GLIS3: variants seen among roughly 807,000 people sequenced by gnomAD.
GLIS3 encodes the protein zinc finger protein GLIS3.
GLIS3 carries 53 observed loss-of-function variants against 78.6 expected under a neutral mutation model. The observed-to-expected ratio is 0.67, with a 90% CI of 0.54 to 0.85. GLIS3 has a LOEUF of 0.85. GLIS3 is among the 40% of genes least tolerant of loss of function. GLIS3 has a pLI of 0.00. For missense variants in GLIS3, 1,703 were observed against 1,231.1 expected (o/e 1.38, Z -5.74); for synonymous variants, 684 against 509.9 (o/e 1.34, Z -4.60).
the GLIS3 span, among the ~76,000 whole-genome samples, chr9:4,412,791 G>C: frequency 3.9e-5 from 6 of 152,126 alleles, no homozygotes; most frequent in African/African-American, 1.2e-4. Flanking sequence ...GGTCAAAAAT[G>C]AATGTGCCAT....
chr9:3,950,228 T>G (rs914938903), intron 4 of GLIS3, among the ~76,000 whole-genome samples: 2 of 152,212 alleles, frequency 1.3e-5, no homozygotes, highest in Non-Finnish European at 2.9e-5. Flanking sequence ...CCTGGTCTAC[T>G]TCAGTGATCT....
intron 4 of GLIS3, among the ~76,000 whole-genome samples, chr9:3,967,024 A>C (rs1294886520): frequency 5.5e-5 from 8 of 145,618 alleles, no homozygotes; most frequent in South Asian, 2.2e-4. Context: ...AAAAAAAAAA[A>C]AAAAAAAAAC....
intron 2 of GLIS3, among the ~76,000 whole-genome samples, chr9:4,260,948 T>C (rs1001863082): frequency 6.6e-6 from 1 of 152,204 alleles, no homozygotes; most frequent in African/African-American, 2.4e-5. Flanking sequence ...CAAATTGAGA[T>C]GTGTATACTA....
intron 2 of GLIS3, among the ~76,000 whole-genome samples, chr9:4,258,399 G>C (rs1428515656): frequency 6.6e-6 from 1 of 152,224 alleles, no homozygotes; most frequent in Non-Finnish European, 1.5e-5. Flanking sequence ...TGGTGAGTAA[G>C]ACGGTATTGG....
rs571041538 is a variant in GLIS3, at chr9:4,208,797, A to C, written c.388+77241T>G. On this transcript the variant is annotated intron_variant, in intron 2 of 10. Coordinates refer to ENST00000381971, the MANE Select transcript of GLIS3 (RefSeq NM_001042413.2). ...CTCTAAATGCCTGGAGATGGAACTC[A>C]ATGGGTGGCTGGCTCTTGGTGACAC... 4.8e-4 allele frequency among the ~76,000 whole-genome samples: 73 copies of C among 152,322 alleles called. 1 individual carries two copies. Among genetic ancestry groups the C allele is most frequent in the South Asian group, 8.3e-4 (4 of 4,820 alleles).
chr9:4,118,412 C>G lies in GLIS3; in HGVS notation c.1066G>C (p.Gly356Arg). 1 of 1,608,094 alleles carries G rather than the reference C, an allele frequency of 6.2e-7. No individual in the cohort carries two copies. ...EVYGHFLGVR[G>R]SCIPQPRPVP... The stretch of plus-strand genomic sequence containing the variant: ...GGGCGCGGCTGGGGAATGCAGCTGC[C>G]GCGCACGCCCAGGAAATGCCCGTAG... Residue 356 changes from glycine to arginine, a missense_variant, in exon 4 of 11, where the codon GGC becomes CGC. Physicochemically the swap from Gly to Arg is moderately radical, Grantham distance 125. Transcript: ENST00000381971. This position sits in a 1 kb window ranked among gnomAD's most constrained non-coding sequence, Gnocchi z 4.7.
intron 2 of GLIS3, among the ~76,000 whole-genome samples, chr9:4,227,241 G>A (rs972326580): frequency 2.7e-5 from 4 of 149,620 alleles, no homozygotes; most frequent in Non-Finnish European, 2.9e-5. Context: ...ATTTTACCCC[G>A]TCCTAGAAAG....
chr9:4,132,857 C>T (rs1833079547), intron 2 of GLIS3, among the ~76,000 whole-genome samples: 1 of 152,156 alleles, frequency 6.6e-6, no homozygotes, highest in Non-Finnish European at 1.5e-5. Flanking sequence ...TGAGTCTTGC[C>T]TCCCGCCCTT....
intron 2 of GLIS3, among the ~76,000 whole-genome samples, chr9:4,236,691 A>G (rs961015157): frequency 6.6e-6 from 1 of 152,166 alleles, no homozygotes; most frequent in Non-Finnish European, 1.5e-5. Context: ...TTTACTCATA[A>G]ATATTATTGA....
intron 4 of GLIS3, among the ~76,000 whole-genome samples, chr9:4,053,009 A>G (rs755439731): frequency 1.3e-5 from 2 of 152,118 alleles, no homozygotes; most frequent in Non-Finnish European, 2.9e-5. Context: ...GTGCAGTAGC[A>G]TGATCTCAGT....
rs192852781 is a variant in GLIS3, at chr9:4,003,786, A to G, written c.1711-66597T>C. Among the ~76,000 whole-genome samples the G allele has an allele frequency of 4.6e-5, 7 of 152,370 alleles. No homozygotes were observed. In the East Asian group the frequency reaches 9.6e-4, roughly 21 times the overall value. ...GATGATGGTGAGCTGTCTCATGGAA[A>G]TAAGTGTCAATGAAGACAGACGCTT... On this transcript the variant is annotated intron_variant, in intron 4 of 10. Coordinates refer to ENST00000381971, the MANE Select transcript of GLIS3 (RefSeq NM_001042413.2).
intron 2 of GLIS3, among the ~76,000 whole-genome samples, chr9:4,227,603 C>T (rs1376097773): frequency 6.6e-6 from 1 of 152,198 alleles, no homozygotes; most frequent in Non-Finnish European, 1.5e-5. Flanking sequence ...CCAGTAACTG[C>T]AAGAGCTTTC....
At chr9:4,122,104 A>G (rs899602610) in intron 3 of GLIS3, among the ~76,000 whole-genome samples, 4 of 152,212 alleles carry the variant, frequency 2.6e-5, no homozygotes, top group Non-Finnish European at 2.9e-5. Context: ...AAACTCAGAA[A>G]CCATCAGCAA....
intron 4 of GLIS3, among the ~76,000 whole-genome samples, chr9:4,017,438 G>GCA (rs145332819): frequency 1.4e-3 from 215 of 151,378 alleles, no homozygotes; most frequent in Middle Eastern, 6.8e-3. Context: ...AAGCTTGCGT[G>GCA]CACACACACA....
At chr9:4,231,722 A>G (rs1040529012) in intron 2 of GLIS3, among the ~76,000 whole-genome samples, 1 of 152,252 alleles carries the variant, frequency 6.6e-6, no homozygotes, top group Admixed American at 6.5e-5. Context: ...CTTATGACCA[A>G]CTAAGTATTA....
the GLIS3 span, among the ~76,000 whole-genome samples, chr9:4,385,737 A>AAAAGAAAG: frequency 5.1e-4 from 28 of 54,534 alleles, 3 homozygotes; most frequent in African/African-American, 1.6e-3. Flanking sequence ...GAAAGAAAGA[A>AAAAGAAAG]AAAGAAAGAA....
chr9:4,091,625 G>C (rs1339945722), intron 4 of GLIS3, among the ~76,000 whole-genome samples: 2 of 152,120 alleles, frequency 1.3e-5, no homozygotes, highest in East Asian at 1.9e-4. Flanking sequence ...AGGTGATTTT[G>C]TTGTATAAAC....
intron 2 of GLIS3, among the ~76,000 whole-genome samples, chr9:4,179,375 T>C (rs1817093483): frequency 6.6e-6 from 1 of 152,194 alleles, no homozygotes; most frequent in South Asian, 2.1e-4. Context: ...ACAAAACATG[T>C]GCGAGTAATC....
chr9:3,969,798 G>A (rs1439129996), intron 4 of GLIS3, among the ~76,000 whole-genome samples: 1 of 152,164 alleles, frequency 6.6e-6, no homozygotes, highest in African/African-American at 2.4e-5. Flanking sequence ...CACTCCTAAT[G>A]ACAGGAAAGC....
Sources: allele counts gnomAD v4.1 joint callset (sites outside exome capture counted in the v4.1 genomes callset), GRCh38; gene constraint gnomAD v4.1.1; non-coding constraint Gnocchi (gnomAD v3.1); transcripts MANE v1.5; gene names NCBI Gene and HGNC (gene_info 2026-07-23, HGNC 2026-07-21).